DEPDC5: variants seen among roughly 807,000 people sequenced by gnomAD.
The protein encoded by DEPDC5 is DEP domain containing 5, GATOR1 subcomplex subunit, also known as GATOR1 complex protein DEPDC5.
DEPDC5 carries 73 observed loss-of-function variants against 217.3 expected under a neutral mutation model. That is an observed-to-expected ratio of 0.34 (90% CI 0.28 to 0.41). DEPDC5 has a LOEUF of 0.41. Ranked by LOEUF, DEPDC5 falls within the 10% of genes least tolerant of loss-of-function variation. The pLI is 1.00. For missense variants in DEPDC5, 1,675 were observed against 2,070.1 expected, an observed-to-expected ratio of 0.81 and a Z score of 3.70; for synonymous variants, 733 against 756.7, an observed-to-expected ratio of 0.97 and a Z score of 0.51.
intron 10 of DEPDC5, among the ~76,000 whole-genome samples, chr22:31,786,431 A>AG (rs1443622763): frequency 2.6e-5 from 4 of 151,268 alleles, no homozygotes; most frequent in Non-Finnish European, 5.9e-5. Context: ...AGCTAAAAAA[A>AG]AAAAAAAAAA....
intron 31 of DEPDC5, among the ~76,000 whole-genome samples, chr22:31,848,391 TC>T (rs1370041864): frequency 3.3e-5 from 5 of 152,166 alleles, no homozygotes; most frequent in Non-Finnish European, 5.9e-5. Context: ...AACTTCTGCC[TC>T]CCCTGAAATC....
At chr22:31,839,477 G>A (rs2091256099) in intron 27 of DEPDC5, among the ~76,000 whole-genome samples, 1 of 147,298 alleles carries the variant, frequency 6.8e-6, no homozygotes, top group Non-Finnish European at 1.5e-5. Flanking sequence ...AACAATCAAT[G>A]AGCTGTCTTA....
chr22:31,892,133 C>G (rs1263863834), intron 38 of DEPDC5, among the ~76,000 whole-genome samples: 1 of 152,144 alleles, frequency 6.6e-6, no homozygotes, highest in African/African-American at 2.4e-5. Flanking sequence ...TGCTGTTTGC[C>G]CATTGTGTTT....
intron 33 of DEPDC5, among the ~76,000 whole-genome samples, chr22:31,865,855 G>A (rs766897134): frequency 5.3e-5 from 8 of 152,184 alleles, no homozygotes. Flanking sequence ...TCTCTGCAAG[G>A]CATATGGGAT....
chr22:31,826,524 C>G (rs1230212163), intron 24 of DEPDC5: 2 of 415,710 alleles, frequency 4.8e-6, no homozygotes, highest in Non-Finnish European at 9.5e-6. Flanking sequence ...GTCTTTAACC[C>G]CTGATTCTGA....
At chr22:31,756,876 A>G (rs1360611621) in intron 2 of DEPDC5, among the ~76,000 whole-genome samples, 3 of 151,876 alleles carry the variant, frequency 2.0e-5, no homozygotes, top group African/African-American at 7.3e-5. Flanking sequence ...AGCCGAGATC[A>G]TGCCACTACA....
chr22:31,870,484 A>AT lies in DEPDC5; in HGVS notation c.3331-100dup, dbSNP rs2092810234. 7.2e-6 allele frequency: 9 copies of AT among 1,249,414 alleles called. No individual in the cohort carries two copies. In the South Asian group the frequency reaches 1.9e-4, roughly 26 times the overall value. The allele number at this position is 1,249,414 out of a possible 1,614,324, so 77.4% of individuals were successfully genotyped here. On this transcript the variant is annotated intron_variant, in intron 33 of 42. Transcript: ENST00000651528. ...GGAAGGATTGCATTAATTTTTGTTT[A>AT]TTTTTTGTGAATGCTTACTGAGTGA...
At chr22:31,773,014 T>C (rs1714940851) in intron 7 of DEPDC5, among the ~76,000 whole-genome samples, 1 of 152,148 alleles carries the variant, frequency 6.6e-6, no homozygotes, top group African/African-American at 2.4e-5. Flanking sequence ...ACTCCTGGCC[T>C]CAAGTGATCT....
At chr22:31,835,738 C>T (rs1012137648) in intron 25 of DEPDC5, among the ~76,000 whole-genome samples, 3 of 152,258 alleles carry the variant, frequency 2.0e-5, no homozygotes, top group East Asian at 1.9e-4. Flanking sequence ...TTAGGCTATT[C>T]GGGCCTATGT....
Position 31,837,111 on chromosome 22 carries a change from C to T in DEPDC5, c.2310C>T (p.Tyr770=), listed in dbSNP as rs2091062429. The T allele has an allele frequency of 6.2e-7, 1 of 1,614,050 alleles. No individual in the cohort carries two copies. The highest frequency in any genetic ancestry group is 1.3e-5 in the African/African-American group (1 of 74,914). ...ACCGCCAGGGCCTGCAGAATGACTA[C>T]ACAGAGGGCTGTTATGATCTCCTTC... ...FPDRQGLQND[Y]TEGCYDLLPE... Residue 770 remains tyrosine, a synonymous_variant, in exon 26 of 43, where the codon TAC becomes TAT. Coordinates refer to ENST00000651528, the MANE Select transcript of DEPDC5 (RefSeq NM_001242896.3).
chr22:31,788,756 A>T (rs2085303414), intron 10 of DEPDC5, among the ~76,000 whole-genome samples: 1 of 150,950 alleles, frequency 6.6e-6, no homozygotes, highest in Non-Finnish European at 1.5e-5. Flanking sequence ...TTGTGTTTTT[A>T]GTAGAGACGG....
chr22:31,879,464 C>T (rs1427161569), intron 37 of DEPDC5, 61 bp from the exon 38 acceptor site: 1 of 1,476,992 alleles, frequency 6.8e-7, no homozygotes, highest in East Asian at 2.3e-5. Flanking sequence ...TTGTAGCATG[C>T]ATCATGAAGA....
intron 36 of DEPDC5, chr22:31,875,288 C>T (rs1476813016): frequency 6.0e-6 from 1 of 166,708 alleles, no homozygotes; most frequent in Non-Finnish European, 1.5e-5. Flanking sequence ...TGAAATGCTA[C>T]TACAGCAGTT....
chr22:31,796,463 G>A (rs2086257536), intron 12 of DEPDC5, among the ~76,000 whole-genome samples: 1 of 152,084 alleles, frequency 6.6e-6, no homozygotes, highest in Non-Finnish European at 1.5e-5. Context: ...GAAAATTGAG[G>A]TGACTTCCAG....
Position 31,804,826 on chromosome 22 carries a change from A to G in DEPDC5, c.1144-16A>G, listed in dbSNP as rs758696233. 1.2e-6 allele frequency: 2 copies of G among 1,612,718 alleles called. No homozygotes were observed. The highest frequency in any genetic ancestry group is 1.7e-6 in the Non-Finnish European group (2 of 1,179,074). The stretch of plus-strand genomic sequence containing the variant: ...TGTTCTGTAGCTTATCTGTGCTCTC[A>G]TTTTTCTCCTTGCAGCTCCATAATC... On this transcript the variant is annotated splice_polypyrimidine_tract_variant and intron_variant, in intron 16 of 42. Transcript: ENST00000651528.
chr22:31,849,994 C>T (rs1167133108), intron 31 of DEPDC5, among the ~76,000 whole-genome samples: 2 of 151,868 alleles, frequency 1.3e-5, no homozygotes, highest in Non-Finnish European at 2.9e-5. Context: ...TGGCGCATGC[C>T]TGTAATCAAA....
Position 31,895,318 on chromosome 22 carries a change from C to T in DEPDC5, c.4203+1567C>T, listed in dbSNP as rs572252666. 2.0e-5 allele frequency among the ~76,000 whole-genome samples: 3 copies of T among 152,194 alleles called. No individual in the cohort carries two copies. The South Asian group carries it at 6.2e-4, about 32-fold the overall frequency. On this transcript the variant is annotated intron_variant, in intron 39 of 42. Transcript: ENST00000651528. ...TCACAAGTGCCAAGGTTGAGAAGCC[C>T]TGTTTTAACTGGTCTTCCTGCCTGT...
chr22:31,878,822 T>A (rs1461615740), intron 37 of DEPDC5, among the ~76,000 whole-genome samples: 3 of 151,862 alleles, frequency 2.0e-5, no homozygotes, highest in Non-Finnish European at 2.9e-5. Flanking sequence ...GTGGATCACC[T>A]GAAGTCAGGA....
At chr22:31,869,711 G>A (rs2092788345) in intron 33 of DEPDC5, among the ~76,000 whole-genome samples, 1 of 152,160 alleles carries the variant, frequency 6.6e-6, no homozygotes, top group African/African-American at 2.4e-5. Flanking sequence ...TGAATGGTAG[G>A]CAGTGTGGTG....
Sources: allele counts gnomAD v4.1 joint callset (sites outside exome capture counted in the v4.1 genomes callset), GRCh38; gene constraint gnomAD v4.1.1; transcripts MANE v1.5; gene names NCBI Gene and HGNC (gene_info 2026-07-23, HGNC 2026-07-21).